The following GHR variants were observed in gnomAD, a reference collection of about 807,000 sequenced individuals.
GHR encodes the protein growth hormone receptor.
A neutral mutation model predicts 67.1 loss-of-function variants in GHR; 35 were observed. The observed-to-expected ratio is 0.52, with a 90% CI of 0.40 to 0.69. The LOEUF is 0.69. Ranked by LOEUF, GHR falls within the 30% of genes least tolerant of loss-of-function variation. The pLI, the probability that GHR is intolerant of heterozygous loss-of-function variation, is 0.00. For synonymous variants in GHR, 272 were observed against 269.1 expected (o/e 1.01, Z -0.10); for missense variants, 792 against 764.6 (o/e 1.04, Z -0.42).
chr5:42,428,193 A>C (rs1742936589), intron 1 of GHR, among the ~76,000 whole-genome samples: 1 of 152,104 alleles, frequency 6.6e-6, no homozygotes, highest in Non-Finnish European at 1.5e-5. Flanking sequence ...AAGTTCCCAA[A>C]CCTCAGTTCT....
intron 1 of GHR, among the ~76,000 whole-genome samples, chr5:42,512,199 A>G (rs746733452): frequency 6.6e-6 from 1 of 152,188 alleles, no homozygotes; most frequent in Non-Finnish European, 1.5e-5. Flanking sequence ...GGTGCTGGAC[A>G]AGGCTTCACA....
At chr5:42,520,833 T>G (rs1412194745) in intron 1 of GHR, among the ~76,000 whole-genome samples, 1 of 152,112 alleles carries the variant, frequency 6.6e-6, no homozygotes, top group African/African-American at 2.4e-5. Flanking sequence ...ATAGCAGGCT[T>G]CTTTTTGTCA....
At chr5:42,475,810 T>C (rs1745279264) in intron 1 of GHR, among the ~76,000 whole-genome samples, 1 of 152,050 alleles carries the variant, frequency 6.6e-6, no homozygotes, top group Non-Finnish European at 1.5e-5. Flanking sequence ...AGTGGGAAAA[T>C]GGAGCTTTTT....
At chr5:42,504,835 A>T (rs1376705694) in intron 1 of GHR, among the ~76,000 whole-genome samples, 1 of 152,238 alleles carries the variant, frequency 6.6e-6, no homozygotes. Context: ...AACCTCAATC[A>T]TAGCACTTTT....
At chr5:42,509,748 G>A (rs1241029940) in intron 1 of GHR, among the ~76,000 whole-genome samples, 1 of 137,738 alleles carries the variant, frequency 7.3e-6, no homozygotes, top group Non-Finnish European at 1.5e-5. Context: ...TTTTTTACAC[G>A]TCTACCTCTA....
intron 2 of GHR, among the ~76,000 whole-genome samples, chr5:42,576,095 A>T (rs1380393080): frequency 2.1e-5 from 2 of 95,062 alleles, no homozygotes; most frequent in Non-Finnish European, 4.1e-5. Context: ...AAAATAAAAT[A>T]AAATAAATAA....
chr5:42,650,609 C>A (rs61536482), intron 3 of GHR, among the ~76,000 whole-genome samples: 2,920 of 112,012 alleles, frequency 0.026, 118 homozygotes, highest in African/African-American at 0.089. Context: ...ATATGTATGT[C>A]TATGACTGCT....
At chr5:42,549,373 T>A (rs1425258778) in intron 1 of GHR, among the ~76,000 whole-genome samples, 1 of 152,208 alleles carries the variant, frequency 6.6e-6, no homozygotes, top group Non-Finnish European at 1.5e-5. Flanking sequence ...TTGTGCTAGG[T>A]AGTGGGCAAT....
In GHR at chr5:42,654,441, T is replaced by C. The variant is rs1296184567; in HGVS notation, c.136+25338T>C. 2.0e-5 allele frequency among the ~76,000 whole-genome samples: 3 copies of C among 152,270 alleles called. No homozygotes were observed. The East Asian group carries it at 5.8e-4, about 29-fold the overall frequency. ...AAGATTTGTAATCTCTCCTTAAACTTATCCAGTTCTGGTGTTTAATTTCCT... is the reference window on the plus strand; with the variant it reads ...AAGATTTGTAATCTCTCCTTAAACTCATCCAGTTCTGGTGTTTAATTTCCT... On this transcript the variant is annotated intron_variant, in intron 3 of 9. Coordinates refer to ENST00000230882, the MANE Select transcript of GHR (RefSeq NM_000163.5).
chr5:42,592,666 A>G (rs1398896872), intron 2 of GHR, among the ~76,000 whole-genome samples: 2 of 152,188 alleles, frequency 1.3e-5, no homozygotes, highest in East Asian at 1.9e-4. Context: ...TCTACTGTCA[A>G]TGGGCATTTA....
At chr5:42,427,856 C>T (rs1468408356) in intron 1 of GHR, among the ~76,000 whole-genome samples, 1 of 152,210 alleles carries the variant, frequency 6.6e-6, no homozygotes, top group Non-Finnish European at 1.5e-5. Context: ...TCTAATAGGG[C>T]AGTCATTAAA....
intron 1 of GHR, among the ~76,000 whole-genome samples, chr5:42,444,695 T>C (rs550882814): frequency 6.6e-6 from 1 of 152,340 alleles, no homozygotes; most frequent in South Asian, 2.1e-4. Context: ...GCTCTCAACA[T>C]ATTCTATTTG....
At chr5:42,667,838 C>A (rs187999515) in intron 3 of GHR, among the ~76,000 whole-genome samples, 1 of 152,292 alleles carries the variant, frequency 6.6e-6, no homozygotes, top group Admixed American at 6.5e-5. Flanking sequence ...CCATTTCCGG[C>A]AAACTGGGTT....
intron 3 of GHR, among the ~76,000 whole-genome samples, chr5:42,646,825 C>T (rs1754754750): frequency 6.6e-6 from 1 of 152,120 alleles, no homozygotes; most frequent in Non-Finnish European, 1.5e-5. Context: ...ACCTTGCCCA[C>T]CCTAGATTTT....
intron 3 of GHR, among the ~76,000 whole-genome samples, chr5:42,676,588 TA>T (rs900085767): frequency 9.3e-5 from 14 of 151,050 alleles, no homozygotes; most frequent in Non-Finnish European, 1.6e-4. Flanking sequence ...CACCATAGGT[TA>T]AAAAAAAAGT....
At chr5:42,665,513 G>A (rs940948956) in intron 3 of GHR, among the ~76,000 whole-genome samples, 15 of 151,634 alleles carry the variant, frequency 9.9e-5, no homozygotes, top group African/African-American at 2.2e-4. Context: ...ACCAAACACC[G>A]CATATTCTCA....
intron 1 of GHR, among the ~76,000 whole-genome samples, chr5:42,564,046 T>A (rs1749785033): frequency 6.6e-6 from 1 of 151,956 alleles, no homozygotes; most frequent in Non-Finnish European, 1.5e-5. Flanking sequence ...AGGTTAGGAA[T>A]TAAAAACATG....
Position 42,444,081 on chromosome 5 carries a change from G to C in GHR, c.-12+20126G>C, listed in dbSNP as rs143947965. Among the ~76,000 whole-genome samples the C allele has an allele frequency of 4.6e-5, 7 of 152,068 alleles. No individual in the cohort carries two copies. The East Asian group carries it at 1.2e-3, about 25-fold the overall frequency. ...GGTTATATAATTAAACATTACACCT[G>C]GGAAGTTACAGCACTATCTTCTCTG... is the stretch of plus-strand genomic sequence containing the variant. On this transcript the variant is annotated intron_variant, in intron 1 of 9. Coordinates refer to ENST00000230882, the MANE Select transcript of GHR (RefSeq NM_000163.5).
intron 2 of GHR, among the ~76,000 whole-genome samples, chr5:42,571,898 G>A (rs1429601566): frequency 6.6e-6 from 1 of 152,150 alleles, no homozygotes; most frequent in Non-Finnish European, 1.5e-5. Context: ...AAGAGTACCT[G>A]TTCATAGACA....
Sources: gnomAD v4.1 joint callset for allele counts (sites outside exome capture counted in the v4.1 genomes callset) on GRCh38, gnomAD v4.1.1 for gene constraint, MANE v1.5 for transcripts, NCBI Gene and HGNC (gene_info 2026-07-23, HGNC 2026-07-21) for gene names.